The following UBA2 variants were observed in gnomAD, a reference collection of about 807,000 sequenced individuals.
UBA2 encodes the protein ubiquitin like modifier activating enzyme 2.
Under a neutral mutation model 77.2 loss-of-function variants are expected in UBA2, and 11 were observed. That is an observed-to-expected ratio of 0.14 (90% CI 0.09 to 0.24). The LOEUF is 0.24. UBA2 is among the 10% of genes least tolerant of loss of function. The probability of loss-of-function intolerance (pLI) is 1.00; values close to 1 mark genes in which losing one functional copy is unlikely to be tolerated. For missense variants in UBA2, 487 were observed against 781.7 expected (o/e 0.62, Z 4.50); for synonymous variants, 278 against 276.7 (o/e 1.00, Z -0.05).
At chr19:34,454,808 G>A (rs912736817) in intron 12 of UBA2, among the ~76,000 whole-genome samples, 11 of 152,150 alleles carry the variant, frequency 7.2e-5, no homozygotes, top group Non-Finnish European at 1.6e-4. Flanking sequence ...TTCATTGTGC[G>A]GTCCTTATAC....
At chr19:34,459,267 CTG>C (rs999252213) in intron 13 of UBA2, among the ~76,000 whole-genome samples, 46 of 152,304 alleles carry the variant, frequency 3.0e-4, no homozygotes, top group Admixed American at 7.2e-4. Flanking sequence ...ATGGTCCTCA[CTG>C]TGGCAGTGAG....
chr19:34,453,192 C>A (rs968625943), intron 10 of UBA2, among the ~76,000 whole-genome samples: 1 of 152,114 alleles, frequency 6.6e-6, no homozygotes, highest in Non-Finnish European at 1.5e-5. Flanking sequence ...GATTTTGACT[C>A]AAGGAATTTG....
intron 1 of UBA2, 45 bp from the exon 2 acceptor site, chr19:34,430,531 C>A: frequency 6.8e-7 from 1 of 1,463,380 alleles, no homozygotes; most frequent in Non-Finnish European, 9.6e-7. Context: ...ACAGCTCAAA[C>A]ATACGTAAAC....
intron 8 of UBA2, among the ~76,000 whole-genome samples, chr19:34,448,274 T>A (rs1440131749): frequency 6.6e-6 from 1 of 151,976 alleles, no homozygotes; most frequent in African/African-American, 2.4e-5. Flanking sequence ...GGACTTTGCA[T>A]GTATATGGTG....
In UBA2 at chr19:34,434,961, T is replaced by C; in HGVS notation, c.452T>C (p.Ile151Thr). ...GGGTATCTTGGACAAGTAACTACTA[T>C]CAAAAAGGTAAAGAAAAGTTTTATT... ...TAGYLGQVTTIKKGVTECYEC... is the reference protein window; with the variant it reads ...TAGYLGQVTTTKKGVTECYEC... Residue 151 changes from isoleucine to threonine, a missense_variant, in exon 5 of 17, where the codon ATC becomes ACC. Ile to Thr is a moderately conservative substitution (Grantham distance 89). This residue lies in a region of UBA2 where 66 missense variants were observed against 112.0 expected (regional missense o/e 0.59). Transcript: ENST00000246548. 1 of 1,596,052 alleles carries C rather than the reference T, an allele frequency of 6.3e-7. No homozygotes were observed. The highest frequency in any genetic ancestry group is 8.5e-7 in the Non-Finnish European group (1 of 1,172,400).
intron 6 of UBA2, among the ~76,000 whole-genome samples, chr19:34,443,555 C>T (rs61166072): frequency 9.0e-4 from 136 of 151,218 alleles, no homozygotes; most frequent in African/African-American, 3.1e-3. Flanking sequence ...GATTCTCCTG[C>T]CTCAGCTTCC....
intron 4 of UBA2, among the ~76,000 whole-genome samples, chr19:34,433,984 G>T: frequency 6.6e-6 from 1 of 152,108 alleles, no homozygotes; most frequent in South Asian, 2.1e-4. Context: ...TGACTGGAGG[G>T]TGGGGTGGGG....
rs2075661104 is a variant in UBA2 at position 34,464,023 on chromosome 19, T to C, written c.1499-3T>C. The stretch of plus-strand genomic sequence containing the variant: ...AAGTATCTAAATTATTCACGTTTCC[T>C]AGCTAATAATCACAAGAAGTTGTCA... On this transcript the variant is annotated splice_polypyrimidine_tract_variant and splice_region_variant and intron_variant, in intron 14 of 16. Transcript: ENST00000246548. The C allele has an allele frequency of 1.2e-6, 2 of 1,601,238 alleles. No homozygotes were observed. Among genetic ancestry groups the C allele is most frequent in the East Asian group, 4.5e-5 (2 of 44,816 alleles).
intron 3 of UBA2, 69 bp downstream of exon 3, chr19:34,432,000 C>G (rs1334817885): frequency 8.6e-7 from 1 of 1,164,672 alleles, no homozygotes; most frequent in East Asian, 2.4e-5. Context: ...AGCTCAAAGT[C>G]ATTCAGCTTT....
At chr19:34,447,651 G>T (rs981197381) in intron 8 of UBA2, among the ~76,000 whole-genome samples, 1 of 152,234 alleles carries the variant, frequency 6.6e-6, no homozygotes, top group East Asian at 1.9e-4. Context: ...CAGAGTCCTT[G>T]CTCTTTAGAG....
At chr19:34,441,931 A>C (rs560461793) in intron 6 of UBA2, among the ~76,000 whole-genome samples, 1,418 of 21,260 alleles carry the variant, frequency 0.067, 25 homozygotes, top group Non-Finnish European at 0.25. Flanking sequence ...AGAAAAAGAC[A>C]AAAAAAAAAA....
chr19:34,463,574 GGATTGATTGATT>G (rs35095058), intron 14 of UBA2, among the ~76,000 whole-genome samples: 3 of 151,100 alleles, frequency 2.0e-5, no homozygotes, highest in African/African-American at 7.3e-5. Context: ...CCAGATTTTG[GGATTGATTGATT>G]GATTGATTGA....
rs1454726448 is a variant in UBA2, at chr19:34,438,744, G to A, written c.559G>A (p.Val187Ile). ...ACCTTCAGAACCTATACATTGCATCGTTTGGGCAAAGTACTTGTTCAAGTA... is the reference window on the plus strand; with the variant it reads ...ACCTTCAGAACCTATACATTGCATCATTTGGGCAAAGTACTTGTTCAAGTA... ...NTPSEPIHCIVWAKYLFNQLF... is the reference protein window; with the variant it reads ...NTPSEPIHCIIWAKYLFNQLF... Residue 187 changes from valine to isoleucine, a missense_variant, in exon 6 of 17, where the codon GTT becomes ATT. This residue lies in a region of UBA2 where 11 missense variants were observed against 44.9 expected (regional missense o/e 0.24). Coordinates refer to ENST00000246548, the MANE Select transcript of UBA2 (RefSeq NM_005499.3). The A allele has an allele frequency of 8.1e-6, 13 of 1,613,764 alleles. No individual in the cohort carries two copies. The highest frequency in any genetic ancestry group is 2.7e-5 in the African/African-American group (2 of 74,850).
At position 34,451,978 on chromosome 19, in the gene UBA2, TAGGA is replaced by T; in HGVS notation, c.872-2_873del. On this transcript the variant is annotated splice_acceptor_variant and coding_sequence_variant, in exon 10 of 17. Transcript: ENST00000246548. LOFTEE classifies it high-confidence loss of function. ...TTTCTAATATATATATTTTTTTCTT[TAGGA>T]GAAGAAACGAATGCATCAGATCAAC... 4 of 1,517,456 alleles carry T rather than the reference TAGGA, an allele frequency of 2.6e-6. No individual in the cohort carries two copies. Among genetic ancestry groups the T allele is most frequent in the African/African-American group, 2.8e-5 (2 of 71,802 alleles). 94.0% of individuals were successfully genotyped at this position (1,517,456 alleles called of 1,614,324 possible). A position where few individuals can be genotyped will look rare whatever the true frequency, so the allele number is the denominator to read the frequency against.
chr19:34,448,874 A>G (rs1037072334), intron 8 of UBA2, among the ~76,000 whole-genome samples: 8 of 152,048 alleles, frequency 5.3e-5, no homozygotes, highest in Admixed American at 5.2e-4. Flanking sequence ...ATATTTAGTA[A>G]TAGTTGAATA....
chr19:34,428,770 T>C (rs985022694), intron 1 of UBA2, 200 bp downstream of exon 1: 6 of 1,135,352 alleles, frequency 5.3e-6, no homozygotes, highest in Non-Finnish European at 5.5e-6. Flanking sequence ...GGGCCTCCGC[T>C]CGCTGGGCCG....
chr19:34,431,244 C>CTTTTTTTTTTTTTTTT lies in UBA2; in HGVS notation c.222+594_223-593dup, dbSNP rs1184297228. Among the ~76,000 whole-genome samples, 72 of 69,370 alleles carry CTTTTTTTTTTTTTTTT rather than the reference C, an allele frequency of 1.0e-3. 2 individuals carry two copies. The highest frequency in any genetic ancestry group is 2.6e-3 in the East Asian group (5 of 1,912). The allele number at this position is 69,370 out of a possible 152,430, so 45.5% of individuals were successfully genotyped here. A position where few individuals can be genotyped will look rare whatever the true frequency, so the allele number is the denominator to read the frequency against. On this transcript the variant is annotated intron_variant, in intron 2 of 16. Coordinates refer to ENST00000246548, the MANE Select transcript of UBA2 (RefSeq NM_005499.3). ...TTTACTTTTCCTATCATTTTCTTTT[C>CTTTTTTTTTTTTTTTT]TTTTTTTTTTTTTTTTTTTTTTTTA...
At chr19:34,449,296 T>C (rs1346676404) in intron 8 of UBA2, among the ~76,000 whole-genome samples, 3 of 148,860 alleles carry the variant, frequency 2.0e-5, no homozygotes, top group Non-Finnish European at 4.5e-5. Flanking sequence ...TCTCGATCTC[T>C]TGACTTCGTG....
intron 16 of UBA2, among the ~76,000 whole-genome samples, chr19:34,467,417 A>G (rs1427881884): frequency 3.3e-5 from 5 of 151,250 alleles, no homozygotes; most frequent in South Asian, 2.1e-4. Context: ...GCAGTGAGCC[A>G]TGATTGCACC....
Sources: gnomAD v4.1 joint callset for allele counts (sites outside exome capture counted in the v4.1 genomes callset) on GRCh38, gnomAD v4.1.1 for gene constraint, gnomAD v4.1.1 regional missense constraint, MANE v1.5 for transcripts, NCBI Gene and HGNC (gene_info 2026-07-23, HGNC 2026-07-21) for gene names.